KCND2: variants seen among roughly 807,000 people sequenced by gnomAD.
The protein encoded by KCND2 is potassium voltage-gated channel subfamily D member 2.
A neutral mutation model predicts 54.4 loss-of-function variants in KCND2; 16 were observed. The observed-to-expected ratio is 0.29, with a 90% confidence interval of 0.20 to 0.45. The LOEUF (loss-of-function observed/expected upper bound fraction) is 0.45. KCND2 is among the 20% of genes least tolerant of loss of function. KCND2 has a pLI of 1.00. For synonymous variants in KCND2, 317 were observed against 310.7 expected, an observed-to-expected ratio of 1.02 and a Z score of -0.21; for missense variants, 486 against 824.2, an observed-to-expected ratio of 0.59 and a Z score of 5.02.
At chr7:120,476,368 C>G (rs1802533378) in intron 1 of KCND2, among the ~76,000 whole-genome samples, 1 of 152,148 alleles carries the variant, frequency 6.6e-6, no homozygotes, top group African/African-American at 2.4e-5. Flanking sequence ...CTGCTGAAAA[C>G]AGAAATCCTT....
chr7:120,703,760 G>A (rs754441927), intron 1 of KCND2, among the ~76,000 whole-genome samples: 3 of 152,180 alleles, frequency 2.0e-5, no homozygotes, highest in Non-Finnish European at 4.4e-5. Flanking sequence ...TGGTGTCAGC[G>A]ATGTCACATC....
At chr7:120,744,153 T>A (rs1014532463) in intron 4 of KCND2, among the ~76,000 whole-genome samples, 2 of 151,942 alleles carry the variant, frequency 1.3e-5, no homozygotes, top group Non-Finnish European at 2.9e-5. Context: ...TCCCAGCTAC[T>A]CGGGAGGCTG....
At chr7:120,668,169 A>G (rs548560913) in intron 1 of KCND2, among the ~76,000 whole-genome samples, 1 of 152,162 alleles carries the variant, frequency 6.6e-6, no homozygotes, top group East Asian at 1.9e-4. Context: ...GTGTGCTTAT[A>G]TTATCAAAAT....
rs572086006 is a variant in KCND2, at chr7:120,444,444, C to T, written c.1115+168697C>T. Among the ~76,000 whole-genome samples, 45 of 152,226 alleles carry T rather than the reference C, an allele frequency of 3.0e-4. 1 individual carries two copies. The highest frequency in any genetic ancestry group is 5.2e-4 in the Admixed American group (8 of 15,276). Reference sequence around the variant, plus strand: ...AGCTAGATTTGTCTTTTTCTTTCCTCATCTTCTATACCAGATCAGTGTGCC... The same window carrying T: ...AGCTAGATTTGTCTTTTTCTTTCCTTATCTTCTATACCAGATCAGTGTGCC... On this transcript the variant is annotated intron_variant, in intron 1 of 5. Transcript: ENST00000331113.
chr7:120,367,647 T>C (rs918266023), intron 1 of KCND2, among the ~76,000 whole-genome samples: 1 of 151,848 alleles, frequency 6.6e-6, no homozygotes, highest in African/African-American at 2.4e-5. Flanking sequence ...TTTTCTTTTT[T>C]TTTTTAATGA....
intron 1 of KCND2, among the ~76,000 whole-genome samples, chr7:120,534,706 T>C (rs912393087): frequency 6.6e-6 from 1 of 152,082 alleles, no homozygotes; most frequent in African/African-American, 2.4e-5. Flanking sequence ...CAAAACAGAG[T>C]GAGAGGTACA....
intron 1 of KCND2, among the ~76,000 whole-genome samples, chr7:120,651,008 G>T (rs1366179747): frequency 7.0e-6 from 1 of 143,316 alleles, no homozygotes; most frequent in Non-Finnish European, 1.5e-5. Flanking sequence ...AACCGTGTGA[G>T]GTGTCAGTCT....
intron 1 of KCND2, among the ~76,000 whole-genome samples, chr7:120,579,033 C>T (rs1002219026): frequency 2.6e-5 from 4 of 151,902 alleles, no homozygotes; most frequent in Non-Finnish European, 4.4e-5. Context: ...ATATTCACTC[C>T]AAATCAAACA....
At chr7:120,588,402 A>ATTGT (rs1792627072) in intron 1 of KCND2, among the ~76,000 whole-genome samples, 2 of 141,314 alleles carry the variant, frequency 1.4e-5, no homozygotes, top group South Asian at 4.8e-4. Context: ...GCAACTGTGC[A>ATTGT]GTGTGTGTGT....
intron 1 of KCND2, among the ~76,000 whole-genome samples, chr7:120,614,929 A>C (rs926349519): frequency 2.0e-5 from 3 of 152,214 alleles, no homozygotes; most frequent in Admixed American, 6.5e-5. Context: ...GTGTTATCCC[A>C]GGAGCTTTTC....
intron 1 of KCND2, 118 bp from the exon 2 acceptor site, chr7:120,732,785 A>ATATATTAT: frequency 2.7e-6 from 2 of 742,278 alleles, no homozygotes; most frequent in South Asian, 3.4e-5. Context: ...TATAGTCACA[A>ATATATTAT]AGTAGAAATA....
intron 1 of KCND2, among the ~76,000 whole-genome samples, chr7:120,625,063 G>A (rs901593081): frequency 6.6e-6 from 1 of 152,120 alleles, no homozygotes; most frequent in South Asian, 2.1e-4. Flanking sequence ...CATTGCCGAA[G>A]GGAAACTAGA....
chr7:120,497,060 G>A (rs986741832), intron 1 of KCND2, among the ~76,000 whole-genome samples: 3 of 152,110 alleles, frequency 2.0e-5, no homozygotes, highest in Non-Finnish European at 4.4e-5. Context: ...TCATGTCTGA[G>A]ACTATAATAA....
At chr7:120,435,067 G>A (rs961137911) in intron 1 of KCND2, among the ~76,000 whole-genome samples, 1 of 150,804 alleles carries the variant, frequency 6.6e-6, no homozygotes, top group African/African-American at 2.5e-5. Flanking sequence ...TTTAAAACTA[G>A]CATATAGAAT....
chr7:120,475,367 T>C (rs1047844151), intron 1 of KCND2, among the ~76,000 whole-genome samples: 5 of 152,240 alleles, frequency 3.3e-5, no homozygotes, highest in Non-Finnish European at 5.9e-5. Context: ...TCATTTCATC[T>C]TCCCTTAAGT....
intron 1 of KCND2, among the ~76,000 whole-genome samples, chr7:120,352,455 TACATACACAC>T (rs1800425766): frequency 4.9e-5 from 1 of 20,598 alleles, no homozygotes; most frequent in Admixed American, 1.0e-3. Flanking sequence ...TATACACACA[TACATACACAC>T]ACACACACAC....
intron 2 of KCND2, among the ~76,000 whole-genome samples, chr7:120,740,028 A>C (rs1376574083): frequency 6.6e-6 from 1 of 152,114 alleles, no homozygotes; most frequent in African/African-American, 2.4e-5. Flanking sequence ...AATGAGGTGG[A>C]TCTTTATATG....
chr7:120,326,595 A>T (rs143764816), intron 1 of KCND2, among the ~76,000 whole-genome samples: 70 of 152,254 alleles, frequency 4.6e-4, no homozygotes, highest in Middle Eastern at 3.4e-3. Context: ...AGAACACTTC[A>T]AGAAAGTTGT....
chr7:120,732,886 T>TA lies in KCND2; in HGVS notation c.1116-17_1116-16insA. Reference sequence around the variant, plus strand: ...TGTGACTTAAAACAATATATATATATTTTTTCTTTAACTCAGGTATGGTGA... The same window carrying TA: ...TGTGACTTAAAACAATATATATATATATTTTTCTTTAACTCAGGTATGGTGA... On this transcript the variant is annotated splice_polypyrimidine_tract_variant and intron_variant, in intron 1 of 5. Transcript: ENST00000331113. 6.2e-7 allele frequency: 1 copy of TA among 1,604,336 alleles called. No individual in the cohort carries two copies. Among genetic ancestry groups the TA allele is most frequent in the Non-Finnish European group, 8.5e-7 (1 of 1,171,618 alleles).
Sources: allele counts gnomAD v4.1 joint callset (sites outside exome capture counted in the v4.1 genomes callset), GRCh38; gene constraint gnomAD v4.1.1; transcripts MANE v1.5; gene names NCBI Gene and HGNC (gene_info 2026-07-23, HGNC 2026-07-21).